Variants in BAIAP2L1 observed in about 807,000 individuals in gnomAD.
BAIAP2L1 encodes BAR/IMD domain-containing adapter protein 2-like 1.
A neutral mutation model predicts 66.3 loss-of-function variants in BAIAP2L1; 35 were observed. The observed-to-expected ratio is 0.53, with a 90% CI of 0.40 to 0.70. BAIAP2L1 has a LOEUF of 0.70. Ranked by LOEUF, BAIAP2L1 falls within the 30% of genes least tolerant of loss-of-function variation. BAIAP2L1 has a pLI of 0.00. For missense variants in BAIAP2L1, 622 were observed against 656.9 expected (o/e 0.95, Z 0.58); for synonymous variants, 269 against 248.7 (o/e 1.08, Z -0.77).
At chr7:98,360,255 G>A (rs923686541) in intron 2 of BAIAP2L1, among the ~76,000 whole-genome samples, 10 of 151,768 alleles carry the variant, frequency 6.6e-5, no homozygotes, top group South Asian at 2.1e-4. Flanking sequence ...TTGTAGTGAC[G>A]GGGTCTCGAA....
intron 3 of BAIAP2L1, among the ~76,000 whole-genome samples, chr7:98,340,357 G>A (rs762356654): frequency 1.3e-5 from 2 of 151,982 alleles, no homozygotes; most frequent in Non-Finnish European, 2.9e-5. Flanking sequence ...GCCCAATCTC[G>A]GCTCACTGCA....
intron 1 of BAIAP2L1, among the ~76,000 whole-genome samples, chr7:98,382,011 C>T (rs1442933860): frequency 6.6e-6 from 1 of 151,152 alleles, no homozygotes; most frequent in East Asian, 2.0e-4. Flanking sequence ...CTGCAAGTTC[C>T]ACCTCCTGAG....
chr7:98,294,065 C>G lies in BAIAP2L1; in HGVS notation c.1460+9G>C. 1 of 1,613,852 alleles carries G rather than the reference C, an allele frequency of 6.2e-7. No homozygotes were observed. The highest frequency in any genetic ancestry group is 8.5e-7 in the Non-Finnish European group (1 of 1,179,718). On this transcript the variant is annotated intron_variant, in intron 13 of 13. Coordinates refer to ENST00000005260, the MANE Select transcript of BAIAP2L1 (RefSeq NM_018842.5). ...ACACACTGAGGCTCACGTAGGAAGC[C>G]ACGCCTACCTGAGAAAAGGCGGCTT...
intron 7 of BAIAP2L1, among the ~76,000 whole-genome samples, chr7:98,314,933 A>G (rs964208061): frequency 1.3e-5 from 2 of 152,216 alleles, no homozygotes; most frequent in Non-Finnish European, 2.9e-5. Context: ...AGGACTTTAA[A>G]TATGGATGTA....
At chr7:98,366,368 C>T (rs949073365) in intron 1 of BAIAP2L1, among the ~76,000 whole-genome samples, 5 of 152,046 alleles carry the variant, frequency 3.3e-5, no homozygotes, top group Middle Eastern at 6.3e-3. Context: ...CCAGGAGCTC[C>T]GCCACCCTGT....
Position 98,376,630 on chromosome 7 carries a change from G to C in BAIAP2L1, c.52-14198C>G, listed in dbSNP as rs182967306. ...GAGGTCAGGAGTTCGAGACCAGCCT[G>C]ACCAACATGGAGAAACCCCATCTTT... is the stretch of plus-strand genomic sequence containing the variant. On this transcript the variant is annotated intron_variant, in intron 1 of 13. Coordinates refer to ENST00000005260, the MANE Select transcript of BAIAP2L1 (RefSeq NM_018842.5). Among the ~76,000 whole-genome samples the C allele has an allele frequency of 6.9e-5, 9 of 130,314 alleles. No homozygotes were observed. The East Asian group carries it at 1.8e-3, about 26-fold the overall frequency. 85.5% of individuals were successfully genotyped at this position (130,314 alleles called of 152,430 possible).
At chr7:98,374,632 T>G (rs1234490853) in intron 1 of BAIAP2L1, among the ~76,000 whole-genome samples, 1 of 152,180 alleles carries the variant, frequency 6.6e-6, no homozygotes, top group Non-Finnish European at 1.5e-5. Flanking sequence ...ATAGTACTTT[T>G]TTTTTTCTTT....
intron 3 of BAIAP2L1, among the ~76,000 whole-genome samples, chr7:98,338,370 C>T (rs1486729504): frequency 9.8e-5 from 14 of 142,190 alleles, no homozygotes; most frequent in South Asian, 4.6e-4. Flanking sequence ...TGCAGTGAGC[C>T]GAGATTGCGC....
rs1584434931 is a variant in BAIAP2L1, at chr7:98,307,758, T to A, written c.1094A>T (p.Asp365Val). ...NKTLLSFAQG[D>V]VITLLIPEEK... ...CTCGGGGATGAGCAGCGTGATGACA[T>A]CTCCCTGTGCAAAGCTGAGTAAGGT... is the stretch of plus-strand genomic sequence containing the variant. The change falls in exon 10 of 14, where the codon GAT (aspartate) becomes GTT (valine). Residue 365 changes from aspartate to valine, a missense_variant. Transcript: ENST00000005260. 3.7e-6 allele frequency: 6 copies of A among 1,614,182 alleles called. No individual in the cohort carries two copies. In the East Asian group the frequency reaches 1.3e-4, roughly 36 times the overall value.
At chr7:98,356,291 C>A (rs1802116243) in intron 2 of BAIAP2L1, among the ~76,000 whole-genome samples, 2 of 151,974 alleles carry the variant, frequency 1.3e-5, no homozygotes, top group South Asian at 4.2e-4. Context: ...ATGATAGAGA[C>A]CCAGCCTGGT....
chr7:98,294,150 T>C (rs780808006), intron 12 of BAIAP2L1, 39 bp from the exon 13 acceptor site: 4 of 1,606,928 alleles, frequency 2.5e-6, no homozygotes, highest in Non-Finnish European at 8.5e-7. Context: ...GGGCTTAGAA[T>C]TGGTCTTTTA....
At chr7:98,304,439 C>G (rs1388809981) in intron 11 of BAIAP2L1, 63 bp from the exon 12 acceptor site, 1 of 1,543,016 alleles carries the variant, frequency 6.5e-7, no homozygotes, top group East Asian at 2.3e-5. Context: ...CCCAAACATC[C>G]TCTGTGTCCC....
intron 1 of BAIAP2L1, 76 bp from the exon 2 acceptor site, chr7:98,362,508 G>T (rs944917694): frequency 2.4e-6 from 3 of 1,273,464 alleles, no homozygotes; most frequent in Non-Finnish European, 3.4e-6. Flanking sequence ...GTCACTGTGT[G>T]GCCCAGGATA....
intron 5 of BAIAP2L1, among the ~76,000 whole-genome samples, chr7:98,318,599 C>A (rs1398548430): frequency 6.6e-6 from 1 of 151,754 alleles, no homozygotes; most frequent in Non-Finnish European, 1.5e-5. Flanking sequence ...CTTAAACGGA[C>A]CCGCGTCAGA....
chr7:98,322,673 A>T (rs908095689), intron 3 of BAIAP2L1, among the ~76,000 whole-genome samples: 11 of 151,996 alleles, frequency 7.2e-5, no homozygotes, highest in Non-Finnish European at 1.2e-4. Flanking sequence ...CACCCCCAGC[A>T]CTCACGTCCC....
At chr7:98,375,043 T>C (rs949188986) in intron 1 of BAIAP2L1, among the ~76,000 whole-genome samples, 3 of 151,324 alleles carry the variant, frequency 2.0e-5, no homozygotes. Context: ...GCCGAGATTG[T>C]GCCATTGCAC....
At chr7:98,329,339 G>A (rs988065151) in intron 3 of BAIAP2L1, among the ~76,000 whole-genome samples, 1 of 152,200 alleles carries the variant, frequency 6.6e-6, no homozygotes, top group Non-Finnish European at 1.5e-5. Context: ...CAATGCTGGG[G>A]CCATTCCTGG....
At chr7:98,357,045 ATATATTTT>A (rs1469171251) in intron 2 of BAIAP2L1, among the ~76,000 whole-genome samples, 3 of 15,650 alleles carry the variant, frequency 1.9e-4, no homozygotes, top group African/African-American at 4.5e-4. Context: ...ATATATATAT[ATATATTTT>A]TTTTTTTTTT....
intron 12 of BAIAP2L1, among the ~76,000 whole-genome samples, chr7:98,296,157 ATC>A (rs1800182996): frequency 6.6e-6 from 1 of 152,234 alleles, no homozygotes; most frequent in African/African-American, 2.4e-5. Context: ...CCAGACAGCC[ATC>A]TCTGTGCCAG....
Sources: gnomAD v4.1 joint callset for allele counts (sites outside exome capture counted in the v4.1 genomes callset) on GRCh38, gnomAD v4.1.1 for gene constraint, MANE v1.5 for transcripts, NCBI Gene and HGNC (gene_info 2026-07-23, HGNC 2026-07-21) for gene names.